Variants in KCTD2 observed in about 807,000 individuals in gnomAD.
KCTD2 encodes the protein BTB/POZ domain-containing protein KCTD2.
Under a neutral mutation model 27.9 loss-of-function variants are expected in KCTD2, and 18 were observed. The observed-to-expected ratio is 0.64, with a 90% CI of 0.45 to 0.96. KCTD2 has a LOEUF of 0.96. KCTD2 is among the 40% of genes least tolerant of loss of function. The probability of loss-of-function intolerance (pLI) is 0.00; values close to 1 mark genes in which losing one functional copy is unlikely to be tolerated. For missense variants in KCTD2, 280 were observed against 348.0 expected, an observed-to-expected ratio of 0.80 and a Z score of 1.56; for synonymous variants, 175 against 148.4, an observed-to-expected ratio of 1.18 and a Z score of -1.30.
chr17:75,061,694 G>GTGAT (rs1188877872), intron 4 of KCTD2, among the ~76,000 whole-genome samples: 1 of 152,334 alleles, frequency 6.6e-6, no homozygotes, highest in East Asian at 1.9e-4. Context: ...TAGCTGATCA[G>GTGAT]TGATTGGCTC....
intron 4 of KCTD2, chr17:75,060,418 A>C: frequency 6.3e-7 from 1 of 1,590,068 alleles, no homozygotes; most frequent in Non-Finnish European, 8.6e-7. Context: ...GGTTCACTTC[A>C]ATTTCAAAAA....
intron 5 of KCTD2, among the ~76,000 whole-genome samples, chr17:75,062,771 G>A (rs1177864633): frequency 7.0e-6 from 1 of 142,418 alleles, no homozygotes; most frequent in African/African-American, 2.6e-5. Flanking sequence ...TACCAGGTAA[G>A]CTGGAACCAC....
chr17:75,046,425 G>A (rs2073217054), upstream of KCTD2, among the ~76,000 whole-genome samples: 1 of 152,140 alleles, frequency 6.6e-6, no homozygotes, highest in East Asian at 1.9e-4. Context: ...AATCCCCAGC[G>A]CCTAGAACAG....
chr17:75,048,163 C>A (rs1164393814), intron 1 of KCTD2, among the ~76,000 whole-genome samples: 1 of 152,070 alleles, frequency 6.6e-6, no homozygotes, highest in Non-Finnish European at 1.5e-5. Flanking sequence ...AGATCAAATG[C>A]GTTTTTTGGA....
chr17:75,052,613 C>G (rs1382122870), intron 2 of KCTD2, among the ~76,000 whole-genome samples: 1 of 152,208 alleles, frequency 6.6e-6, no homozygotes, highest in Non-Finnish European at 1.5e-5. Context: ...ATCCCAGCTA[C>G]TTGGAAGGCT....
At chr17:75,048,193 C>T (rs2073248209) in intron 1 of KCTD2, among the ~76,000 whole-genome samples, 1 of 152,154 alleles carries the variant, frequency 6.6e-6, no homozygotes, top group African/African-American at 2.4e-5. Flanking sequence ...CTGTTTGCCG[C>T]TGCAAATCTA....
chr17:75,035,058 C>T (rs114651322), intron 2 of KCTD2, among the ~76,000 whole-genome samples: 3,654 of 152,126 alleles, frequency 0.024, 144 homozygotes, highest in African/African-American at 0.084. Context: ...CTGCGGCACG[C>T]CGGAGCGTTT....
intron 3 of KCTD2, among the ~76,000 whole-genome samples, chr17:75,056,229 G>A (rs73995745): frequency 0.044 from 6,766 of 152,238 alleles, 488 homozygotes; most frequent in African/African-American, 0.15. Flanking sequence ...TTTGTAGTTG[G>A]TTTGCAGATT....
At chr17:75,061,754 G>C (rs2073405581) in intron 4 of KCTD2, among the ~76,000 whole-genome samples, 1 of 152,164 alleles carries the variant, frequency 6.6e-6, no homozygotes, top group Non-Finnish European at 1.5e-5. Flanking sequence ...TGCTGATAGA[G>C]GAGCCAGCTG....
At chr17:75,060,117 CA>C (rs1201113893) in intron 4 of KCTD2, among the ~76,000 whole-genome samples, 41 of 152,222 alleles carry the variant, frequency 2.7e-4, no homozygotes, top group African/African-American at 9.6e-4. Flanking sequence ...ACTGAGCTAT[CA>C]AAACAAAGCT....
rs373473558 is a variant in KCTD2, at chr17:75,057,634, G to A, written c.541-1876G>A. Among the ~76,000 whole-genome samples the A allele has an allele frequency of 2.5e-3, 369 of 146,240 alleles. 1 individual carries two copies. Among genetic ancestry groups the A allele is most frequent in the Non-Finnish European group, 3.7e-3 (249 of 67,056 alleles). On this transcript the variant is annotated intron_variant, in intron 3 of 5. Coordinates refer to ENST00000322444, the MANE Select transcript of KCTD2 (RefSeq NM_015353.3). ...GAGTGCAATGGCGCGATCTCAGCTC[G>A]CTGCAACTTCTGCCTCCGGGGTTCA...
At chr17:75,044,547 G>A (rs1598691183), upstream of KCTD2, among the ~76,000 whole-genome samples, 1 of 149,756 alleles carries the variant, frequency 6.7e-6, no homozygotes. Context: ...TCTCCACGTT[G>A]GCCAGGATGG....
At chr17:75,052,116 A>G (rs1158711529) in intron 2 of KCTD2, among the ~76,000 whole-genome samples, 1 of 152,156 alleles carries the variant, frequency 6.6e-6, no homozygotes, top group African/African-American at 2.4e-5. Flanking sequence ...CATATGGGAA[A>G]AGTGTCCTGC....
chr17:75,059,885 G>C (rs1045233215), intron 4 of KCTD2, among the ~76,000 whole-genome samples: 2 of 152,220 alleles, frequency 1.3e-5, no homozygotes, highest in African/African-American at 4.8e-5. Context: ...AAAGCCTTTG[G>C]TTTTTGTTCC....
rs1391489897 is a variant in KCTD2, at chr17:75,047,297, G to A, written c.47G>A (p.Gly16Asp). The A allele has an allele frequency of 6.9e-6, 8 of 1,159,988 alleles. No homozygotes were observed. The highest frequency in any genetic ancestry group is 8.6e-6 in the Non-Finnish European group (8 of 935,312). 71.9% of individuals were successfully genotyped at this position (1,159,988 alleles called of 1,614,324 possible). A position where few individuals can be genotyped will look rare whatever the true frequency, so the allele number is the denominator to read the frequency against. Reference protein sequence around the residue: ...LDPAMAGLGGGGGSGVGDGGG... With the variant: ...LDPAMAGLGGDGGSGVGDGGG... ...CCGGCGATGGCGGGGCTGGGAGGGG[G>A]CGGCGGGAGTGGGGTGGGCGACGGG... The change falls in exon 1 of 6, where the codon GGC becomes GAC. Residue 16 changes from glycine (G) to aspartate (D), a missense_variant. Physicochemically the swap from Gly to Asp is moderately conservative, Grantham distance 94. Coordinates refer to ENST00000322444, the MANE Select transcript of KCTD2 (RefSeq NM_015353.3).
At chr17:75,042,646 G>A (rs765051597), upstream of KCTD2, 20 of 1,601,350 alleles carry the variant, frequency 1.2e-5, no homozygotes, top group South Asian at 2.2e-4. Context: ...TTTTCGCCCA[G>A]CCATTTTGGG....
chr17:75,048,120 T>C (rs139115368), intron 1 of KCTD2, among the ~76,000 whole-genome samples: 124 of 152,348 alleles, frequency 8.1e-4, no homozygotes, highest in African/African-American at 2.7e-3. Context: ...AGAACTTTTA[T>C]CTGTTAACAG....
At position 75,053,893 on chromosome 17, in the gene KCTD2, G is replaced by A. The variant is rs181516582; in HGVS notation, c.540+788G>A. 9.7e-4 allele frequency among the ~76,000 whole-genome samples: 99 copies of A among 101,912 alleles called. 2 individuals carry two copies. Among genetic ancestry groups the A allele is most frequent in the East Asian group, 8.6e-3 (22 of 2,546 alleles). 66.9% of individuals were successfully genotyped at this position (101,912 alleles called of 152,430 possible). On this transcript the variant is annotated intron_variant, in intron 3 of 5. Coordinates refer to ENST00000322444, the MANE Select transcript of KCTD2 (RefSeq NM_015353.3). The stretch of plus-strand genomic sequence containing the variant: ...TTTTTTTTTTTTTTTTTGAGACAGA[G>A]TCTCACTCTCTCCCCCAGGCTGGCC...
upstream of KCTD2, among the ~76,000 whole-genome samples, chr17:75,043,597 G>C (rs1047332951): frequency 7.0e-6 from 1 of 143,400 alleles, no homozygotes; most frequent in Non-Finnish European, 1.5e-5. Context: ...TGGACACAGA[G>C]TGAGACTCTG....
Sources: allele counts gnomAD v4.1 joint callset (sites outside exome capture counted in the v4.1 genomes callset), GRCh38; gene constraint gnomAD v4.1.1; transcripts MANE v1.5; gene names NCBI Gene and HGNC (gene_info 2026-07-23, HGNC 2026-07-21).